Variants in NRXN3 observed in about 807,000 individuals in gnomAD.
NRXN3 encodes neurexin 3, also known as neurexin III.
NRXN3 carries 32 observed loss-of-function variants against 137.6 expected under a neutral mutation model. The ratio of observed to expected loss-of-function variants is 0.23; its 90% CI spans 0.18 to 0.31. The LOEUF (loss-of-function observed/expected upper bound fraction) is 0.31, where lower values mean the gene tolerates loss of function less well. Ranked by LOEUF, NRXN3 falls within the 10% of genes least tolerant of loss-of-function variation. The pLI, the probability that NRXN3 is intolerant of heterozygous loss-of-function variation, is 1.00. For missense variants in NRXN3, 1,574 were observed against 2,062.5 expected (o/e 0.76, Z 4.59); for synonymous variants, 798 against 784.5 (o/e 1.02, Z -0.29).
At chr14:79,297,789 C>A (rs554380996) in intron 15 of NRXN3, among the ~76,000 whole-genome samples, 1 of 151,922 alleles carries the variant, frequency 6.6e-6, no homozygotes, top group African/African-American at 2.4e-5. Flanking sequence ...CCCAGCACTG[C>A]GAGGAAGAGG....
chr14:79,784,614 CT>C (rs540234381), intron 19 of NRXN3, among the ~76,000 whole-genome samples: 34,979 of 76,690 alleles, frequency 0.46, 6,593 homozygotes, highest in Middle Eastern at 0.61. Flanking sequence ...TGTTGTGTTG[CT>C]TTTTTTTTTT....
At chr14:79,328,297 G>C (rs563919604) in intron 15 of NRXN3, among the ~76,000 whole-genome samples, 27 of 152,186 alleles carry the variant, frequency 1.8e-4, no homozygotes, top group Non-Finnish European at 3.8e-4. Flanking sequence ...ATAAAAGGCT[G>C]TTAAGGAGGA....
At chr14:78,737,898 C>G (rs779327661) in intron 8 of NRXN3, among the ~76,000 whole-genome samples, 9 of 152,104 alleles carry the variant, frequency 5.9e-5, no homozygotes, top group Non-Finnish European at 1.3e-4. Flanking sequence ...CATGCTATCT[C>G]CAGCAGTCCC....
intron 4 of NRXN3, among the ~76,000 whole-genome samples, chr14:78,361,440 A>G (rs1173125812): frequency 1.3e-5 from 2 of 152,212 alleles, no homozygotes; most frequent in African/African-American, 4.8e-5. Context: ...AATATATTGA[A>G]AGAGAATAGT....
At chr14:78,769,922 A>C (rs1406293608) in intron 8 of NRXN3, among the ~76,000 whole-genome samples, 1 of 151,994 alleles carries the variant, frequency 6.6e-6, no homozygotes, top group Non-Finnish European at 1.5e-5. Flanking sequence ...CAGGGTGTGG[A>C]AACACAGGTT....
chr14:79,481,686 T>C (rs1356488169), intron 16 of NRXN3, among the ~76,000 whole-genome samples: 1 of 152,154 alleles, frequency 6.6e-6, no homozygotes, highest in Non-Finnish European at 1.5e-5. Context: ...TGAATTGCAG[T>C]AGAGAAAGAG....
intron 4 of NRXN3, among the ~76,000 whole-genome samples, chr14:78,633,651 C>G (rs2097542346): frequency 6.6e-6 from 1 of 152,162 alleles, no homozygotes; most frequent in African/African-American, 2.4e-5. Context: ...GCATATGTAG[C>G]TATAAAAGAA....
intron 15 of NRXN3, among the ~76,000 whole-genome samples, chr14:79,465,637 A>G (rs747736730): frequency 3.9e-5 from 6 of 152,210 alleles, no homozygotes; most frequent in Non-Finnish European, 8.8e-5. Context: ...TCTTTGGTCA[A>G]CATAATTCTA....
At chr14:78,836,933 A>T (rs1173711299) in intron 10 of NRXN3, among the ~76,000 whole-genome samples, 1 of 152,102 alleles carries the variant, frequency 6.6e-6, no homozygotes, top group African/African-American at 2.4e-5. Flanking sequence ...TATTCTATTG[A>T]GCCTTAGAGT....
chr14:79,187,374 C>T (rs2153160942), intron 15 of NRXN3, among the ~76,000 whole-genome samples: 1 of 152,238 alleles, frequency 6.6e-6, no homozygotes, highest in East Asian at 1.9e-4. Flanking sequence ...TTAATCTTTA[C>T]AATATTTCTG....
intron 5 of NRXN3, among the ~76,000 whole-genome samples, chr14:78,650,059 A>G (rs2097725493): frequency 6.6e-6 from 1 of 151,510 alleles, no homozygotes; most frequent in Admixed American, 6.6e-5. Flanking sequence ...CATCTTTCAT[A>G]TATTTGGGGG....
chr14:79,669,148 A>G (rs573779458), intron 17 of NRXN3: 1 of 152,242 alleles, frequency 6.6e-6, no homozygotes, highest in Admixed American at 6.5e-5. Context: ...CTACCTGCTC[A>G]TTCATCCGTT....
chr14:79,100,849 G>A (rs921670537), intron 15 of NRXN3, among the ~76,000 whole-genome samples: 11 of 152,084 alleles, frequency 7.2e-5, no homozygotes, highest in African/African-American at 2.7e-4. Flanking sequence ...GTACTTCTGG[G>A]CTCATTAACC....
intron 10 of NRXN3, among the ~76,000 whole-genome samples, chr14:78,913,241 CTTTCTT>C (rs1229558491): frequency 7.6e-6 from 1 of 131,904 alleles, no homozygotes; most frequent in African/African-American, 2.9e-5. Flanking sequence ...TTTTCTTTTC[CTTTCTT>C]TTCTTTCTTT....
chr14:79,510,737 T>G (rs1016501740), intron 16 of NRXN3, among the ~76,000 whole-genome samples: 5 of 152,224 alleles, frequency 3.3e-5, no homozygotes, highest in Non-Finnish European at 7.3e-5. Flanking sequence ...CATTAATCTC[T>G]GAGGAATCTC....
intron 16 of NRXN3, among the ~76,000 whole-genome samples, chr14:79,549,971 T>TTTGA (rs1461395838): frequency 7.5e-6 from 1 of 133,404 alleles, no homozygotes; most frequent in East Asian, 2.0e-4. Flanking sequence ...TGTTTGTTTG[T>TTTGA]TTGTTAGTTT....
At chr14:79,489,125 A>G (rs1337642880) in intron 16 of NRXN3, among the ~76,000 whole-genome samples, 1 of 152,230 alleles carries the variant, frequency 6.6e-6, no homozygotes, top group African/African-American at 2.4e-5. Flanking sequence ...AAGAGAATGC[A>G]TCAAATATAT....
chr14:78,229,268 G>A (rs916332859), intron 1 of NRXN3, among the ~76,000 whole-genome samples: 1 of 151,716 alleles, frequency 6.6e-6, no homozygotes, highest in Admixed American at 6.6e-5. Context: ...TATGTTTTGG[G>A]GTTTACTTCT....
At position 78,587,290 on chromosome 14, in the gene NRXN3, C is replaced by G. The variant is rs146336870; in HGVS notation, c.758-57830C>G. 7.3e-4 allele frequency among the ~76,000 whole-genome samples: 111 copies of G among 152,316 alleles called. 1 individual carries two copies. The highest frequency in any genetic ancestry group is 2.6e-3 in the African/African-American group (109 of 41,558). On this transcript the variant is annotated intron_variant, in intron 4 of 20. Transcript: ENST00000335750. ...TATTGCTACTTTCCCTGGTCAACCT[C>G]TAGAGCAGTGGCTTTCCAAGTGCCT...
Sources: allele counts gnomAD v4.1 joint callset (sites outside exome capture counted in the v4.1 genomes callset), GRCh38; gene constraint gnomAD v4.1.1; transcripts MANE v1.5; gene names NCBI Gene and HGNC (gene_info 2026-07-23, HGNC 2026-07-21).